CDK6: variants seen among roughly 807,000 people sequenced by gnomAD.
CDK6 encodes the protein cyclin dependent kinase 6, also known as cyclin-dependent kinase 6.
CDK6 carries 6 observed loss-of-function variants against 37.1 expected under a neutral mutation model. The observed-to-expected ratio is 0.16, with a 90% CI of 0.09 to 0.32. The LOEUF is 0.32. CDK6 is among the 10% of genes least tolerant of loss of function. CDK6 has a pLI of 1.00. For missense variants in CDK6, 224 were observed against 418.9 expected, an observed-to-expected ratio of 0.53 and a Z score of 4.06; for synonymous variants, 160 against 161.3, an observed-to-expected ratio of 0.99 and a Z score of 0.06.
At chr7:92,746,493 T>A (rs1799062686) in intron 3 of CDK6, among the ~76,000 whole-genome samples, 2 of 152,232 alleles carry the variant, frequency 1.3e-5, no homozygotes, top group African/African-American at 4.8e-5. Flanking sequence ...GTATAAATAT[T>A]GTATAAAATT....
intron 2 of CDK6, among the ~76,000 whole-genome samples, chr7:92,780,828 CA>C (rs1392561983): frequency 6.6e-6 from 1 of 151,062 alleles, no homozygotes; most frequent in African/African-American, 2.4e-5. Flanking sequence ...AAAAAAACCC[CA>C]AAAAACTGGA....
At chr7:92,765,219 A>G (rs1414562713) in intron 3 of CDK6, among the ~76,000 whole-genome samples, 1 of 152,210 alleles carries the variant, frequency 6.6e-6, no homozygotes, top group Non-Finnish European at 1.5e-5. Flanking sequence ...TCTAAAATTC[A>G]TGACATCCAT....
rs1308610606 is a variant in CDK6, at chr7:92,835,667, G to GA, written c.-368+810dup. On this transcript the variant is annotated intron_variant, in intron 1 of 7. Transcript: ENST00000424848. This position sits in a 1 kb window ranked among gnomAD's most constrained non-coding sequence, Gnocchi z 4.2. ...ATGAAATCCTTCATGCGCCTCTCCCGAAGCCTGCCAAGCACCACAAGGGTC... is the reference window on the plus strand; with the variant it reads ...ATGAAATCCTTCATGCGCCTCTCCCGAAAGCCTGCCAAGCACCACAAGGGTC... Among the ~76,000 whole-genome samples the GA allele has an allele frequency of 6.6e-6, 1 of 152,058 alleles. No homozygotes were observed. Among genetic ancestry groups the GA allele is most frequent in the Non-Finnish European group, 1.5e-5 (1 of 68,018 alleles).
intron 5 of CDK6, among the ~76,000 whole-genome samples, chr7:92,625,122 G>GATA (rs1795894661): frequency 6.6e-6 from 1 of 151,698 alleles, no homozygotes; most frequent in Non-Finnish European, 1.5e-5. Context: ...TGGAAAGAAT[G>GATA]ATACTTACCT....
chr7:92,653,898 A>G (rs969806827), intron 5 of CDK6, among the ~76,000 whole-genome samples: 2 of 152,050 alleles, frequency 1.3e-5, no homozygotes, highest in Non-Finnish European at 2.9e-5. Context: ...AAGCCACTGC[A>G]CCCGGCCTCA....
intron 2 of CDK6, among the ~76,000 whole-genome samples, chr7:92,785,516 C>G (rs918527185): frequency 4.6e-5 from 7 of 152,160 alleles, no homozygotes; most frequent in Admixed American, 2.6e-4. Context: ...AAGTCTTACA[C>G]AGGTGCATTT....
intron 5 of CDK6, among the ~76,000 whole-genome samples, chr7:92,669,141 G>A (rs1293063085): frequency 2.0e-5 from 3 of 152,174 alleles, no homozygotes; most frequent in Non-Finnish European, 4.4e-5. Flanking sequence ...GGAGAGATAA[G>A]TATTCCTCTA....
At chr7:92,742,604 A>C (rs1798950359) in intron 3 of CDK6, among the ~76,000 whole-genome samples, 1 of 152,222 alleles carries the variant, frequency 6.6e-6, no homozygotes, top group African/African-American at 2.4e-5. Flanking sequence ...ATACACACAC[A>C]ACCTTAGACT....
At chr7:92,729,049 CA>C (rs1798580788) in intron 3 of CDK6, among the ~76,000 whole-genome samples, 1 of 152,070 alleles carries the variant, frequency 6.6e-6, no homozygotes, top group Non-Finnish European at 1.5e-5. Context: ...CCCAAATAAT[CA>C]TAAGATATAG....
chr7:92,735,694 G>A (rs1475275778), intron 3 of CDK6, among the ~76,000 whole-genome samples: 1 of 152,070 alleles, frequency 6.6e-6, no homozygotes, highest in Non-Finnish European at 1.5e-5. Flanking sequence ...AAATCTTTTG[G>A]TTTTACTTGA....
rs11285626 is a variant in CDK6, at chr7:92,711,552, A to ATTTTTTT, written c.537+14067_537+14073dup. Among the ~76,000 whole-genome samples the ATTTTTTT allele has an allele frequency of 4.1e-4, 23 of 56,626 alleles. 1 individual carries two copies. Among genetic ancestry groups the ATTTTTTT allele is most frequent in the South Asian group, 1.6e-3 (2 of 1,282 alleles). The allele number at this position is 56,626 out of a possible 152,430, so 37.1% of individuals were successfully genotyped here. A position where few individuals can be genotyped will look rare whatever the true frequency, so the allele number is the denominator to read the frequency against. On this transcript the variant is annotated intron_variant, in intron 4 of 7. Coordinates refer to ENST00000424848, the MANE Select transcript of CDK6 (RefSeq NM_001145306.2). The stretch of plus-strand genomic sequence containing the variant: ...TTTTTTACCTACCTGGAATGGTCAA[A>ATTTTTTT]TTTTTTTTTTTTTTTTTTTTTTTTT...
chr7:92,773,265 G>C (rs1799763422), intron 3 of CDK6, among the ~76,000 whole-genome samples: 1 of 152,192 alleles, frequency 6.6e-6, no homozygotes, highest in Admixed American at 6.5e-5. Context: ...AGGCATGTGA[G>C]ATTACATCTA....
intron 3 of CDK6, among the ~76,000 whole-genome samples, chr7:92,762,867 G>A (rs1030156321): frequency 3.9e-5 from 6 of 152,026 alleles, no homozygotes; most frequent in African/African-American, 9.7e-5. Context: ...CACCGCGCCC[G>A]GCCTAGAACA....
chr7:92,762,961 A>G (rs1051359098), intron 3 of CDK6, among the ~76,000 whole-genome samples: 10 of 152,254 alleles, frequency 6.6e-5, no homozygotes, highest in African/African-American at 2.4e-4. Context: ...TGCAGTTCCT[A>G]AACATTATTT....
intron 3 of CDK6, among the ~76,000 whole-genome samples, chr7:92,758,374 C>G (rs1422782452): frequency 6.6e-6 from 1 of 152,108 alleles, no homozygotes; most frequent in East Asian, 1.9e-4. Flanking sequence ...TTCCAGCACC[C>G]TTTACTGAAT....
intron 2 of CDK6, among the ~76,000 whole-genome samples, chr7:92,807,156 T>C (rs1029751114): frequency 2.6e-5 from 4 of 152,210 alleles, no homozygotes; most frequent in African/African-American, 9.6e-5. Flanking sequence ...CCAGAAGTTT[T>C]TGCCATATGA....
chr7:92,662,570 A>G (rs1471404267), intron 5 of CDK6, among the ~76,000 whole-genome samples: 1 of 152,174 alleles, frequency 6.6e-6, no homozygotes, highest in Non-Finnish European at 1.5e-5. Flanking sequence ...GAGAAGGGAG[A>G]AGAAAACATT....
intron 2 of CDK6, among the ~76,000 whole-genome samples, chr7:92,828,086 A>G (rs1186038513): frequency 6.6e-6 from 1 of 152,108 alleles, no homozygotes; most frequent in Non-Finnish European, 1.5e-5. Context: ...ATTCAATATT[A>G]TTAATGAATT....
At chr7:92,755,653 G>A (rs909679395) in intron 3 of CDK6, among the ~76,000 whole-genome samples, 4 of 152,182 alleles carry the variant, frequency 2.6e-5, no homozygotes, top group Admixed American at 6.5e-5. Flanking sequence ...ATTTTCCTGA[G>A]TGGCAAATTG....
Sources: allele counts gnomAD v4.1 joint callset (sites outside exome capture counted in the v4.1 genomes callset), GRCh38; gene constraint gnomAD v4.1.1; non-coding constraint Gnocchi (gnomAD v3.1); transcripts MANE v1.5; gene names NCBI Gene and HGNC (gene_info 2026-07-23, HGNC 2026-07-21).